The following PHIP variants were observed in gnomAD, a reference collection of about 807,000 sequenced individuals.
PHIP encodes the protein PH-interacting protein.
In PHIP, 54 loss-of-function variants were observed where a neutral mutation model predicts 236.8. The ratio of observed to expected loss-of-function variants is 0.23; its 90% CI spans 0.18 to 0.29. The LOEUF is 0.29. PHIP is among the 10% of genes least tolerant of loss of function. PHIP has a pLI of 1.00. For synonymous variants in PHIP, 756 were observed against 718.9 expected (o/e 1.05, Z -0.83); for missense variants, 1,370 against 2,190.8 (o/e 0.63, Z 7.48).
intron 6 of PHIP, among the ~76,000 whole-genome samples, chr6:79,060,236 G>A (rs112237962): frequency 5.9e-5 from 9 of 151,938 alleles, no homozygotes; most frequent in East Asian, 3.9e-4. Flanking sequence ...TGGAACTTTC[G>A]TAAAAATAAA....
intron 9 of PHIP, among the ~76,000 whole-genome samples, chr6:79,024,629 C>T (rs1196072233): frequency 6.6e-6 from 1 of 151,994 alleles, no homozygotes; most frequent in African/African-American, 2.4e-5. Flanking sequence ...ACGGTGAAAC[C>T]CTGTCTCTAC....
chr6:79,041,746 C>T (rs1289170147), intron 7 of PHIP, among the ~76,000 whole-genome samples: 1 of 151,938 alleles, frequency 6.6e-6, no homozygotes, highest in Non-Finnish European at 1.5e-5. Context: ...GAAAATAATA[C>T]TTGATACAAG....
chr6:79,061,571 T>C (rs577289739), intron 4 of PHIP, among the ~76,000 whole-genome samples: 3 of 152,194 alleles, frequency 2.0e-5, no homozygotes, highest in Non-Finnish European at 4.4e-5. Context: ...TTCTCACAAA[T>C]TTGTTTTGTT....
intron 19 of PHIP, among the ~76,000 whole-genome samples, chr6:78,996,073 T>C (rs1319255768): frequency 6.6e-6 from 1 of 152,228 alleles, no homozygotes; most frequent in Non-Finnish European, 1.5e-5. Flanking sequence ...TTCCCTTCCA[T>C]GTGCAGGAGC....
At position 79,016,909 on chromosome 6, in the gene PHIP, A is replaced by G. The variant is rs1413099544; in HGVS notation, c.1137-267T>C. ...AAAATCGACATTTTCCAAGGAAAAA[A>G]CAATGATTTTCTTCTCAATATTAAA... On this transcript the variant is annotated intron_variant, in intron 12 of 39. Transcript: ENST00000275034. 3.9e-5 allele frequency among the ~76,000 whole-genome samples: 6 copies of G among 152,026 alleles called. No individual in the cohort carries two copies. The East Asian group carries it at 1.2e-3, about 29-fold the overall frequency.
intron 4 of PHIP, chr6:79,067,637 G>T (rs1463355917): frequency 6.6e-6 from 1 of 152,124 alleles, no homozygotes; most frequent in Non-Finnish European, 1.5e-5. Flanking sequence ...TCCAAAAACA[G>T]ATCTCCTGCA....
chr6:78,966,918 T>G (rs984774939), intron 27 of PHIP, among the ~76,000 whole-genome samples: 2 of 152,236 alleles, frequency 1.3e-5, no homozygotes, highest in African/African-American at 4.8e-5. Context: ...TATTAATTAT[T>G]TTTGAACTTC....
Position 79,042,885 on chromosome 6 carries a change from C to T in PHIP, c.558G>A (p.Val186=). ...HKRILGHLSS[V]YCVTFDRTGR... is the part of the protein sequence containing the mutation. ...CAGTTCGATCAAAAGTTACACAGTACACAGATGACAAGTGTCCAAGAATTC... is the reference window on the plus strand; with the variant it reads ...CAGTTCGATCAAAAGTTACACAGTATACAGATGACAAGTGTCCAAGAATTC... The change falls in exon 7 of 40, where the codon GTG becomes GTA. Residue 186 remains valine, a synonymous_variant. Transcript: ENST00000275034. The T allele has an allele frequency of 6.2e-7, 1 of 1,612,248 alleles. No individual in the cohort carries two copies. The highest frequency in any genetic ancestry group is 1.1e-5 in the South Asian group (1 of 90,928).
rs554532155 is a variant in PHIP, at chr6:78,945,093, T to C, written c.4828+207A>G. On this transcript the variant is annotated intron_variant, in intron 39 of 39. Coordinates refer to ENST00000275034, the MANE Select transcript of PHIP (RefSeq NM_017934.7). The stretch of plus-strand genomic sequence containing the variant: ...TTGAAGATTTATTTCTTTTTTTTTT[T>C]TTTCTTTTGAGACAGGGTCTCATTC... Among the ~76,000 whole-genome samples, 3 of 152,164 alleles carry C rather than the reference T, an allele frequency of 2.0e-5. No individual in the cohort carries two copies. The East Asian group carries it at 5.8e-4, about 29-fold the overall frequency.
chr6:79,065,177 C>T (rs1562221293), intron 4 of PHIP, among the ~76,000 whole-genome samples: 1 of 152,192 alleles, frequency 6.6e-6, no homozygotes, highest in Admixed American at 6.5e-5. Flanking sequence ...AAATGCATAC[C>T]TTTCCCATAT....
intron 19 of PHIP, among the ~76,000 whole-genome samples, chr6:78,995,279 G>T (rs1175582773): frequency 2.0e-5 from 3 of 152,052 alleles, no homozygotes; most frequent in Non-Finnish European, 4.4e-5. Flanking sequence ...AATACATCTG[G>T]GTATCTTTCT....
intron 5 of PHIP, 32 bp from the exon 6 acceptor site, chr6:79,060,608 A>G (rs1773322162): frequency 1.2e-6 from 2 of 1,609,000 alleles, no homozygotes; most frequent in South Asian, 2.2e-5. Context: ...ATGCATACAA[A>G]GAACACAAAA....
chr6:78,985,975 T>C (rs1768842208), intron 21 of PHIP, among the ~76,000 whole-genome samples: 1 of 152,212 alleles, frequency 6.6e-6, no homozygotes, highest in Non-Finnish European at 1.5e-5. Context: ...AGAGCAATCC[T>C]ACAGATTACC....
chr6:79,067,984 C>T (rs2127777767), intron 4 of PHIP: 1 of 156,602 alleles, frequency 6.4e-6, no homozygotes, highest in African/African-American at 2.4e-5. Flanking sequence ...TAGTATGCTA[C>T]TTCACATAAA....
chr6:78,959,069 G>A (rs1358921019), intron 31 of PHIP, among the ~76,000 whole-genome samples: 1 of 152,096 alleles, frequency 6.6e-6, no homozygotes, highest in East Asian at 1.9e-4. Flanking sequence ...GCCACCTTAT[G>A]AGATACAAAA....
rs771102555 is a variant in PHIP, at chr6:78,970,694, T to C, written c.2997+87A>G. On this transcript the variant is annotated intron_variant, in intron 25 of 39. Transcript: ENST00000275034. ...GGTATCTTCATGATGCAGTTTCTTA[T>C]TGTGTTAATAGTAACCTTTGATACA... The C allele has an allele frequency of 2.2e-4, 179 of 797,094 alleles. No individual in the cohort carries two copies. The East Asian group carries it at 3.3e-3, about 15-fold the overall frequency. 49.4% of individuals were successfully genotyped at this position (797,094 alleles called of 1,614,324 possible).
intron 7 of PHIP, among the ~76,000 whole-genome samples, chr6:79,029,411 A>G (rs1325245256): frequency 1.3e-5 from 2 of 152,146 alleles, no homozygotes; most frequent in African/African-American, 4.8e-5. Flanking sequence ...CTCTTTTAAG[A>G]TGACTATACA....
At position 79,003,359 on chromosome 6, in the gene PHIP, T is replaced by C. The variant is rs187973900; in HGVS notation, c.1653+371A>G. ...ACATGAAAGCCACAGATTTGTACCCTAGATAAGTACGTATTATCTATATTA... is the reference window on the plus strand; with the variant it reads ...ACATGAAAGCCACAGATTTGTACCCCAGATAAGTACGTATTATCTATATTA... On this transcript the variant is annotated intron_variant, in intron 16 of 39. Transcript: ENST00000275034. Among the ~76,000 whole-genome samples the C allele has an allele frequency of 1.7e-3, 266 of 152,190 alleles. 1 individual carries two copies. The highest frequency in any genetic ancestry group is 5.5e-3 in the African/African-American group (230 of 41,544).
chr6:79,037,174 C>T (rs9359363), intron 7 of PHIP, among the ~76,000 whole-genome samples: 149,831 of 152,180 alleles, frequency 0.98, 73,792 homozygotes, highest in East Asian at 1. Flanking sequence ...CTATATTTAA[C>T]TGACATGTCT....
Sources: allele counts gnomAD v4.1 joint callset (sites outside exome capture counted in the v4.1 genomes callset), GRCh38; gene constraint gnomAD v4.1.1; transcripts MANE v1.5; gene names NCBI Gene and HGNC (gene_info 2026-07-23, HGNC 2026-07-21).